Variants in COQ8A observed in about 807,000 individuals in gnomAD.
The protein encoded by COQ8A is atypical kinase COQ8A, mitochondrial.
A neutral mutation model predicts 65.0 loss-of-function variants in COQ8A; 51 were observed. The observed-to-expected ratio is 0.78, with a 90% CI of 0.63 to 0.99. The LOEUF is 0.99. Among genes scored for constraint, COQ8A ranks in the 50% least tolerant of loss-of-function variants. COQ8A has a pLI of 0.00. For missense variants in COQ8A, 940 were observed against 875.0 expected (o/e 1.07, Z -0.94); for synonymous variants, 371 against 353.2 (o/e 1.05, Z -0.57).
intron 2 of COQ8A, among the ~76,000 whole-genome samples, chr1:226,964,468 C>T (rs1355181495): frequency 6.6e-6 from 1 of 152,222 alleles, no homozygotes; most frequent in Non-Finnish European, 1.5e-5. Flanking sequence ...GACGGCCAGG[C>T]CTGGTCCTGG....
rs373191958 is a variant in COQ8A, at chr1:226,984,072, G to A, written c.1257-22G>A. ...GGTGTGGAGGGCCTGTGGCTAGGGCGTGACCTCCCTCCCCTACCCAGGGAC... is the reference window on the plus strand; with the variant it reads ...GGTGTGGAGGGCCTGTGGCTAGGGCATGACCTCCCTCCCCTACCCAGGGAC... On this transcript the variant is annotated intron_variant, in intron 10 of 14. Coordinates refer to ENST00000366777, the MANE Select transcript of COQ8A (RefSeq NM_020247.5). 9.0e-5 allele frequency: 145 copies of A among 1,612,382 alleles called. No homozygotes were observed. In the African/African-American group the frequency reaches 1.3e-3, roughly 14 times the overall value.
At chr1:226,953,910 A>G (rs1347534853) in intron 1 of COQ8A, among the ~76,000 whole-genome samples, 2 of 152,254 alleles carry the variant, frequency 1.3e-5, no homozygotes, top group East Asian at 3.8e-4. Flanking sequence ...CAACACATAC[A>G]TTCTTGTGAG....
chr1:226,951,899 A>G (rs1657412370), intron 1 of COQ8A, among the ~76,000 whole-genome samples: 1 of 152,226 alleles, frequency 6.6e-6, no homozygotes, highest in Non-Finnish European at 1.5e-5. Context: ...AGCAAGCAGT[A>G]GGACTGGATT....
At chr1:226,978,580 ACACT>A (rs1330849397) in intron 5 of COQ8A, among the ~76,000 whole-genome samples, 1 of 52,004 alleles carries the variant, frequency 1.9e-5, no homozygotes, top group East Asian at 4.7e-4. Context: ...ACCACCTTAC[ACACT>A]CTCCACACAC....
chr1:226,944,692 TGAGAGAGAGAGAGAGAGAGAGAGA>T lies in COQ8A; in HGVS notation c.-10+4327_-10+4350del, dbSNP rs1174520293. 5.6e-3 allele frequency among the ~76,000 whole-genome samples: 487 copies of T among 86,738 alleles called. 9 individuals are homozygous for T. Among genetic ancestry groups the T allele is most frequent in the African/African-American group, 0.021 (459 of 21,490 alleles). The allele number at this position is 86,738 out of a possible 152,430, so 56.9% of individuals were successfully genotyped here. A position where few individuals can be genotyped will look rare whatever the true frequency, so the allele number is the denominator to read the frequency against. On this transcript the variant is annotated intron_variant, in intron 1 of 14. Transcript: ENST00000366777. ...CAGCATCCTTTGAGGAGTTGTACCC[TGAGAGAGAGAGAGAGAGAGAGAGA>T]GAGAGAGAGAGAGAGAGAGAGAGAG...
At chr1:226,951,182 C>T (rs1657355679) in intron 1 of COQ8A, among the ~76,000 whole-genome samples, 1 of 152,336 alleles carries the variant, frequency 6.6e-6, no homozygotes, top group African/African-American at 2.4e-5. Flanking sequence ...CCTGACCCCA[C>T]ACCCACGTCA....
At position 226,972,923 on chromosome 1, in the gene COQ8A, A is replaced by G. The variant is rs1658979813; in HGVS notation, c.656-4526A>G. On this transcript the variant is annotated intron_variant, in intron 4 of 14. Transcript: ENST00000366777. This position sits in a 1 kb window ranked among gnomAD's most constrained non-coding sequence, Gnocchi z 4.3. Reference sequence around the variant, plus strand: ...AAATGGAATAACTTAGTTTTGTGAAAGACTCACAGTATCACTTGGTTTCTG... The same window carrying G: ...AAATGGAATAACTTAGTTTTGTGAAGGACTCACAGTATCACTTGGTTTCTG... Among the ~76,000 whole-genome samples, 6 of 152,258 alleles carry G rather than the reference A, an allele frequency of 3.9e-5. No homozygotes were observed. In the South Asian group the frequency reaches 1.2e-3, roughly 31 times the overall value.
chr1:226,962,512 T>TG (rs938342797), intron 2 of COQ8A, among the ~76,000 whole-genome samples: 1 of 152,224 alleles, frequency 6.6e-6, no homozygotes, highest in African/African-American at 2.4e-5. Flanking sequence ...GTGTGCCTGT[T>TG]GCGCGTGTGC....
rs894235198 is a variant in COQ8A, at chr1:226,972,354, A to C, written c.656-5095A>C. ...TTGATTCTGTGTAGAAAGGATTTTGAAATTTGACCTGTGAAAACAAGGAGA... is the reference window on the plus strand; with the variant it reads ...TTGATTCTGTGTAGAAAGGATTTTGCAATTTGACCTGTGAAAACAAGGAGA... On this transcript the variant is annotated intron_variant, in intron 4 of 14. Coordinates refer to ENST00000366777, the MANE Select transcript of COQ8A (RefSeq NM_020247.5). This position sits in a 1 kb window ranked among gnomAD's most constrained non-coding sequence, Gnocchi z 4.3. Among the ~76,000 whole-genome samples the C allele has an allele frequency of 3.3e-5, 5 of 152,188 alleles. No homozygotes were observed. The highest frequency in any genetic ancestry group is 1.2e-4 in the African/African-American group (5 of 41,444).
At chr1:226,965,836 G>A (rs548298271) in intron 4 of COQ8A, 99 bp downstream of exon 4, 22 of 1,348,392 alleles carry the variant, frequency 1.6e-5, no homozygotes, top group Non-Finnish European at 2.3e-5. Context: ...TCCCGGGGAG[G>A]GCGTTGGGGG....
intron 4 of COQ8A, 106 bp downstream of exon 4, chr1:226,965,843 G>A (rs1658538690): frequency 1.5e-5 from 20 of 1,302,008 alleles, no homozygotes; most frequent in Non-Finnish European, 2.2e-5. Flanking sequence ...GAGGGCGTTG[G>A]GGGAGCAGGT....
chr1:226,955,674 GCTCTCCCTGGCTCCCA>G (rs1246760322), intron 1 of COQ8A, among the ~76,000 whole-genome samples: 1 of 46,568 alleles, frequency 2.1e-5, no homozygotes, highest in African/African-American at 1.0e-4. Flanking sequence ...CCTGGTTCCC[GCTCTCCCTGGCTCCCA>G]CTCTCCCTGG....
intron 5 of COQ8A, among the ~76,000 whole-genome samples, chr1:226,978,709 A>G (rs1329709231): frequency 1.3e-5 from 1 of 76,582 alleles, no homozygotes; most frequent in African/African-American, 4.6e-5. Context: ...ACCTCCTTAC[A>G]TCTTCCACAC....
intron 1 of COQ8A, among the ~76,000 whole-genome samples, chr1:226,953,586 G>A (rs963074857): frequency 1.3e-5 from 2 of 152,208 alleles, no homozygotes; most frequent in Non-Finnish European, 2.9e-5. Flanking sequence ...CAGGCTCCTG[G>A]GCTCCCGCTG....
chr1:226,945,305 C>T (rs930677914), intron 1 of COQ8A, among the ~76,000 whole-genome samples: 2 of 152,186 alleles, frequency 1.3e-5, no homozygotes, highest in African/African-American at 2.4e-5. Context: ...ACAATATATG[C>T]GGTGTCATCT....
rs534548767 is a variant in COQ8A, at chr1:226,978,596, C to G, written c.730+1073C>G. Among the ~76,000 whole-genome samples, 3 of 79,522 alleles carry G rather than the reference C, an allele frequency of 3.8e-5. 1 individual carries two copies. The highest frequency in any genetic ancestry group is 2.4e-4 in the Admixed American group (2 of 8,322). The allele number at this position is 79,522 out of a possible 152,430, so 52.2% of individuals were successfully genotyped here. ...CCACCTTACACACTCTCCACACACT[C>G]TACCCTCTACACACCCGCCCACCTT... On this transcript the variant is annotated intron_variant, in intron 5 of 14. Transcript: ENST00000366777.
At chr1:226,962,250 C>T (rs1658298045) in intron 2 of COQ8A, among the ~76,000 whole-genome samples, 1 of 152,214 alleles carries the variant, frequency 6.6e-6, no homozygotes, top group Non-Finnish European at 1.5e-5. Flanking sequence ...CTGGCACAGC[C>T]CTTCCAAGAA....
intron 1 of COQ8A, among the ~76,000 whole-genome samples, chr1:226,943,649 G>A (rs1656827739): frequency 6.6e-6 from 1 of 152,192 alleles, no homozygotes; most frequent in Non-Finnish European, 1.5e-5. Context: ...GGAGAAGGTG[G>A]TCATCTTAGT....
At chr1:226,985,224 C>A in intron 13 of COQ8A, 30 bp from the exon 14 acceptor site, 1 of 1,608,854 alleles carries the variant, frequency 6.2e-7, no homozygotes, top group East Asian at 2.2e-5. Context: ...TTTCATGCTG[C>A]CCACGGTCCC....
Sources: gnomAD v4.1 joint callset for allele counts (sites outside exome capture counted in the v4.1 genomes callset) on GRCh38, gnomAD v4.1.1 for gene constraint, Gnocchi (gnomAD v3.1) non-coding constraint, MANE v1.5 for transcripts, NCBI Gene and HGNC (gene_info 2026-07-23, HGNC 2026-07-21) for gene names.